Variants in FBXW2 observed in about 807,000 individuals in gnomAD.
FBXW2 encodes F-box/WD repeat-containing protein 2.
In FBXW2, 12 loss-of-function variants were observed where a neutral mutation model predicts 46.0. The observed-to-expected ratio is 0.26, with a 90% CI of 0.17 to 0.42. The LOEUF is 0.42. Ranked by LOEUF, FBXW2 falls within the 10% of genes least tolerant of loss-of-function variation. The pLI is 1.00. For missense variants in FBXW2, 360 were observed against 537.0 expected, an observed-to-expected ratio of 0.67 and a Z score of 3.26; for synonymous variants, 203 against 209.6, an observed-to-expected ratio of 0.97 and a Z score of 0.27.
chr9:120,781,498 G>A (rs1232276505), intron 3 of FBXW2, among the ~76,000 whole-genome samples: 1 of 152,042 alleles, frequency 6.6e-6, no homozygotes, highest in Non-Finnish European at 1.5e-5. Context: ...GACCTTATTT[G>A]CATATCAGAA....
chr9:120,768,045 T>C (rs2044306379), intron 7 of FBXW2, among the ~76,000 whole-genome samples: 3 of 152,230 alleles, frequency 2.0e-5, no homozygotes, highest in African/African-American at 4.8e-5. Flanking sequence ...TGGCTCCTTA[T>C]TGTGCCCCCA....
intron 7 of FBXW2, among the ~76,000 whole-genome samples, chr9:120,766,252 T>A (rs907979001): frequency 1.3e-5 from 2 of 152,050 alleles, no homozygotes; most frequent in African/African-American, 4.8e-5. Flanking sequence ...GGTAACTGTA[T>A]ATGAGGATCA....
At chr9:120,783,185 A>T (rs981237066) in intron 3 of FBXW2, among the ~76,000 whole-genome samples, 3 of 152,210 alleles carry the variant, frequency 2.0e-5, no homozygotes, top group Non-Finnish European at 4.4e-5. Context: ...CCCTAAAAAA[A>T]AATAATAATA....
intron 4 of FBXW2, chr9:120,776,570 G>T (rs528198175): frequency 2.0e-5 from 4 of 201,216 alleles, no homozygotes; most frequent in Non-Finnish European, 4.1e-5. Context: ...AAAACAAAAC[G>T]TACATGGTCC....
At chr9:120,775,143 C>T (rs1271084505) in intron 5 of FBXW2, among the ~76,000 whole-genome samples, 2 of 152,034 alleles carry the variant, frequency 1.3e-5, no homozygotes, top group African/African-American at 4.8e-5. Flanking sequence ...CTGCAACCTC[C>T]GCCTCCCCAG....
At position 120,764,254 on chromosome 9, in the gene FBXW2, C is replaced by T. The variant is rs1232209423; in HGVS notation, c.*305G>A. On this transcript the variant is annotated 3_prime_UTR_variant, in exon 8 of 8. Transcript: ENST00000608872. ...TTAATGGATCATTTAACTTTCTTTA[C>T]TTAAAACCAATACTCCACTCAAGAA... is the stretch of plus-strand genomic sequence containing the variant. 1 of 408,654 alleles carries T rather than the reference C, an allele frequency of 2.4e-6. No homozygotes were observed. The highest frequency in any genetic ancestry group is 2.0e-5 in the African/African-American group (1 of 49,350). The allele number at this position is 408,654 out of a possible 1,614,324, so 25.3% of individuals were successfully genotyped here.
rs549105504 is a variant in FBXW2 at position 120,793,395 on chromosome 9, G to A, written c.-171C>T. ...TGCTCCCGGTCCGCAGCCTCACAGG[G>A]GAGCGGCTTCCGGTGCTGCCTGCGT... On this transcript the variant is annotated 5_prime_UTR_variant, in exon 1 of 8. Coordinates refer to ENST00000608872, the MANE Select transcript of FBXW2 (RefSeq NM_012164.4). 4.7e-5 allele frequency: 19 copies of A among 400,088 alleles called. No homozygotes were observed. Among genetic ancestry groups the A allele is most frequent in the East Asian group, 3.6e-4 (10 of 28,070 alleles). 24.8% of individuals were successfully genotyped at this position (400,088 alleles called of 1,614,324 possible).
At chr9:120,783,896 C>T (rs928666255) in intron 3 of FBXW2, among the ~76,000 whole-genome samples, 4 of 152,190 alleles carry the variant, frequency 2.6e-5, no homozygotes, top group South Asian at 4.1e-4. Flanking sequence ...TTACTCAAGG[C>T]ACTAATGTGA....
intron 2 of FBXW2, among the ~76,000 whole-genome samples, chr9:120,791,374 G>A (rs1057240829): frequency 1.3e-5 from 2 of 152,222 alleles, no homozygotes; most frequent in Non-Finnish European, 2.9e-5. Context: ...AAATACTTTG[G>A]AGGTTGGCCA....
In FBXW2 at chr9:120,778,535, G is replaced by A; in HGVS notation, c.501C>T (p.Asp167=). The A allele has an allele frequency of 3.1e-6, 5 of 1,613,646 alleles. No individual in the cohort carries two copies. The highest frequency in any genetic ancestry group is 4.2e-6 in the Non-Finnish European group (5 of 1,179,710). The change falls in exon 4 of 8, where the codon GAC becomes GAT. Residue 167 remains aspartate (D), a synonymous_variant. Coordinates refer to ENST00000608872, the MANE Select transcript of FBXW2 (RefSeq NM_012164.4). ...TCACATCCCACAGCTTTGCAGACAA[G>A]TCATCTGACCCTTCAAGAGAAAAAC... ...KDGLLCTGSD[D]LSAKLWDVST... is the part of the protein sequence containing the mutation.
At chr9:120,792,839 T>G in intron 2 of FBXW2, 1 of 1,399,976 alleles carries the variant, frequency 7.1e-7, no homozygotes, top group South Asian at 1.2e-5. Flanking sequence ...TACTTAGCAT[T>G]AATATTGTTA....
chr9:120,779,993 A>G (rs1269993941), intron 3 of FBXW2, among the ~76,000 whole-genome samples: 1 of 152,096 alleles, frequency 6.6e-6, no homozygotes, highest in Non-Finnish European at 1.5e-5. Flanking sequence ...AAAAAAAATC[A>G]GCCGGGCATG....
chr9:120,781,673 CACATACACACACACACAT>C (rs1167487581), intron 3 of FBXW2, among the ~76,000 whole-genome samples: 28 of 143,828 alleles, frequency 1.9e-4, no homozygotes, highest in African/African-American at 6.2e-4. Flanking sequence ...CACACACACA[CACATACACACACACACAT>C]ATATACATAC....
intron 3 of FBXW2, among the ~76,000 whole-genome samples, chr9:120,786,673 C>T (rs1016038471): frequency 2.0e-5 from 3 of 152,084 alleles, no homozygotes; most frequent in African/African-American, 7.2e-5. Flanking sequence ...AAAAAGAACA[C>T]CAAGTATTTC....
At position 120,776,228 on chromosome 9, in the gene FBXW2, T is replaced by G; in HGVS notation, c.686-2A>C. 6.2e-7 allele frequency: 1 copy of G among 1,613,310 alleles called. No individual in the cohort carries two copies. Among genetic ancestry groups the G allele is most frequent in the Non-Finnish European group, 8.5e-7 (1 of 1,179,744 alleles). ...CATCATTGTAGTCCACGCTAAATAC[T>G]AGTGCATATAATTACACAAAGTTAA... On this transcript the variant is annotated splice_acceptor_variant, in intron 4 of 7. Coordinates refer to ENST00000608872, the MANE Select transcript of FBXW2 (RefSeq NM_012164.4). LOFTEE classifies it high-confidence loss of function.
In FBXW2 at chr9:120,793,362, G is replaced by C. The variant is rs1158056748; in HGVS notation, c.-138C>G. On this transcript the variant is annotated 5_prime_UTR_variant, in exon 1 of 8. Coordinates refer to ENST00000608872, the MANE Select transcript of FBXW2 (RefSeq NM_012164.4). ...CCGCCTCGCATACAGACCCGGACCT[G>C]CGGCCGCTGCTCCCGGTCCGCAGCC... The C allele has an allele frequency of 1.2e-5, 5 of 401,702 alleles. No homozygotes were observed. The highest frequency in any genetic ancestry group is 1.1e-4 in the East Asian group (3 of 28,070). The allele number at this position is 401,702 out of a possible 1,614,324, so 24.9% of individuals were successfully genotyped here.
At chr9:120,791,462 T>C (rs2044839224) in intron 2 of FBXW2, among the ~76,000 whole-genome samples, 1 of 152,214 alleles carries the variant, frequency 6.6e-6, no homozygotes, top group South Asian at 2.1e-4. Flanking sequence ...TTTTATCATC[T>C]GTAAAATGGA....
Position 120,772,808 on chromosome 9 carries a change from G to A in FBXW2, c.852C>T (p.Leu284=). Residue 284 remains leucine, a synonymous_variant, in exon 6 of 8, where the codon CTC becomes CTT. Coordinates refer to ENST00000608872, the MANE Select transcript of FBXW2 (RefSeq NM_012164.4). ...GGATGTAGTCTCCAGGACTGTGCAA[G>A]AGAGACTTGACTTTGCACTTCTGCA... is the stretch of plus-strand genomic sequence containing the variant. ...VVLQKCKVKS[L]LHSPGDYILL... The A allele has an allele frequency of 6.2e-7, 1 of 1,611,474 alleles. No individual in the cohort carries two copies. The highest frequency in any genetic ancestry group is 8.5e-7 in the Non-Finnish European group (1 of 1,179,010).
At chr9:120,777,938 C>G (rs2044532856) in intron 4 of FBXW2, among the ~76,000 whole-genome samples, 1 of 151,886 alleles carries the variant, frequency 6.6e-6, no homozygotes, top group Non-Finnish European at 1.5e-5. Context: ...ACCGTCACAC[C>G]AAAGAACTTT....
Sources: allele counts gnomAD v4.1 joint callset (sites outside exome capture counted in the v4.1 genomes callset), GRCh38; gene constraint gnomAD v4.1.1; transcripts MANE v1.5; gene names NCBI Gene and HGNC (gene_info 2026-07-23, HGNC 2026-07-21).